Variants in CYP4F22 observed in about 807,000 individuals in gnomAD.
The protein encoded by CYP4F22 is ultra-long-chain fatty acid omega-hydroxylase.
In CYP4F22, 37 loss-of-function variants were observed where a neutral mutation model predicts 60.4. The observed-to-expected ratio is 0.61, with a 90% CI of 0.47 to 0.81. The LOEUF is 0.81. Ranked by LOEUF, CYP4F22 falls within the 30% of genes least tolerant of loss-of-function variation. The pLI is 0.00. For synonymous variants in CYP4F22, 258 were observed against 280.5 expected, an observed-to-expected ratio of 0.92 and a Z score of 0.80; for missense variants, 655 against 715.0, an observed-to-expected ratio of 0.92 and a Z score of 0.96.
chr19:15,515,754 C>T (rs1038751257), intron 1 of CYP4F22, among the ~76,000 whole-genome samples: 2 of 151,740 alleles, frequency 1.3e-5, no homozygotes, highest in South Asian at 2.1e-4. Context: ...GATGGAGTCT[C>T]GCCCTGTCAC....
In CYP4F22 at chr19:15,537,595, C is replaced by G; in HGVS notation, c.482C>G (p.Pro161Arg). 6.2e-7 allele frequency: 1 copy of G among 1,614,126 alleles called. No individual in the cohort carries two copies. The highest frequency in any genetic ancestry group is 8.5e-7 in the Non-Finnish European group (1 of 1,180,024). The change falls in exon 6 of 14, where the codon CCC (proline) becomes CGC (arginine). Residue 161 changes from proline (P) to arginine (R), a missense_variant. Physicochemically the swap from Pro to Arg is moderately radical, Grantham distance 103. Coordinates refer to ENST00000269703, the MANE Select transcript of CYP4F22 (RefSeq NM_173483.4). ...KWSRHRRLLTPAFHFDILKPY... is the reference protein window; with the variant it reads ...KWSRHRRLLTRAFHFDILKPY... ...AGCCGGCACCGTCGCCTGCTGACAC[C>G]CGCCTTCCACTTTGACATCCTGAAG...
intron 8 of CYP4F22, among the ~76,000 whole-genome samples, chr19:15,540,949 C>T (rs751849503): frequency 7.9e-5 from 12 of 152,050 alleles, no homozygotes; most frequent in African/African-American, 1.2e-4. Flanking sequence ...GGTGTGGTGC[C>T]GCATGCCTAT....
At chr19:15,548,687 A>C (rs1599818366) in intron 11 of CYP4F22, among the ~76,000 whole-genome samples, 2 of 152,014 alleles carry the variant, frequency 1.3e-5, no homozygotes, top group African/African-American at 4.8e-5. Context: ...TCCAATATGG[A>C]GAGGAATGCA....
At chr19:15,539,193 C>T (rs141622315) in intron 7 of CYP4F22, among the ~76,000 whole-genome samples, 8 of 152,272 alleles carry the variant, frequency 5.3e-5, no homozygotes, top group South Asian at 2.1e-4. Context: ...TTTAGCAACC[C>T]GTGCACTTCC....
rs1971599381 is a variant in CYP4F22 at position 15,551,644 on chromosome 19, GCAAGGCTCCTC to G, written c.*175_*185del. On this transcript the variant is annotated 3_prime_UTR_variant, in exon 14 of 14. Transcript: ENST00000269703. Reference sequence around the variant, plus strand: ...GGTGGTACTGGCCACGCCCCTCAAGGCAAGGCTCCTCCCCTTAGGGGGCCTGATCCCGCCCC... The same window carrying G: ...GGTGGTACTGGCCACGCCCCTCAAGGCCCTTAGGGGGCCTGATCCCGCCCC... 1 of 825,900 alleles carries G rather than the reference GCAAGGCTCCTC, an allele frequency of 1.2e-6. No homozygotes were observed. The highest frequency in any genetic ancestry group is 1.8e-5 in the South Asian group (1 of 55,426). 51.2% of individuals were successfully genotyped at this position (825,900 alleles called of 1,614,324 possible). A position where few individuals can be genotyped will look rare whatever the true frequency, so the allele number is the denominator to read the frequency against.
intron 1 of CYP4F22, among the ~76,000 whole-genome samples, chr19:15,520,799 C>T (rs1486897765): frequency 1.8e-4 from 26 of 147,570 alleles, no homozygotes; most frequent in East Asian, 4.1e-4. Context: ...GACAGAGTCT[C>T]GCTCTGTCGC....
intron 1 of CYP4F22, among the ~76,000 whole-genome samples, chr19:15,510,877 G>A (rs1333932237): frequency 6.6e-6 from 1 of 150,908 alleles, no homozygotes; most frequent in African/African-American, 2.4e-5. Flanking sequence ...CCAGCACTTT[G>A]GGAGGCTAAG....
Position 15,539,736 on chromosome 19 carries a change from T to A in CYP4F22, c.672-714T>A, listed in dbSNP as rs545259537. 8.4e-4 allele frequency among the ~76,000 whole-genome samples: 128 copies of A among 152,306 alleles called. 4 individuals carry two copies. The highest frequency in any genetic ancestry group is 1.0e-4 in the Non-Finnish European group (7 of 68,020). ...AACACTTGCTTTTTTTTGTTGTTGT[T>A]GTTTTGTTTGCTTTTTAGAGATAGG... On this transcript the variant is annotated intron_variant, in intron 7 of 13. Coordinates refer to ENST00000269703, the MANE Select transcript of CYP4F22 (RefSeq NM_173483.4).
chr19:15,543,466 A>G (rs540031433), intron 8 of CYP4F22, among the ~76,000 whole-genome samples: 13 of 152,200 alleles, frequency 8.5e-5, no homozygotes, highest in Admixed American at 4.6e-4. Flanking sequence ...TGTTGGGATT[A>G]TAGGTGTGAG....
At chr19:15,537,851 C>T (rs1466595204) in intron 6 of CYP4F22, 21 bp from the exon 7 acceptor site, 1 of 1,613,148 alleles carries the variant, frequency 6.2e-7, no homozygotes, top group Non-Finnish European at 8.5e-7. Context: ...CATGCACAGT[C>T]ACCATGTATC....
At position 15,536,500 on chromosome 19, in the gene CYP4F22, C is replaced by T. The variant is rs28623056; in HGVS notation, c.368-861C>T. The stretch of plus-strand genomic sequence containing the variant: ...TGATGGGTGTGTGAGCAGGAAGGGG[C>T]GTGGTCAGATCTGATAGTCAGATGA... On this transcript the variant is annotated intron_variant, in intron 4 of 13. Transcript: ENST00000269703. Among the ~76,000 whole-genome samples the T allele has an allele frequency of 5.8e-3, 877 of 151,990 alleles. 6 individuals are homozygous for T. The highest frequency in any genetic ancestry group is 0.018 in the African/African-American group (733 of 41,396).
intron 4 of CYP4F22, among the ~76,000 whole-genome samples, chr19:15,533,592 T>TC (rs1491216026): frequency 9.4e-5 from 4 of 42,362 alleles, no homozygotes; most frequent in African/African-American, 1.3e-4. Flanking sequence ...AGTTTCATTC[T>TC]TTTTTTTTTT....
intron 2 of CYP4F22, 122 bp from the exon 3 acceptor site, chr19:15,525,214 T>G (rs1599795770): frequency 1.1e-6 from 1 of 898,338 alleles, no homozygotes. Flanking sequence ...GATGAAGAGG[T>G]ATCCTTGGTG....
intron 2 of CYP4F22, among the ~76,000 whole-genome samples, chr19:15,524,183 T>C (rs1460728813): frequency 1.3e-5 from 2 of 151,864 alleles, no homozygotes; most frequent in Non-Finnish European, 2.9e-5. Flanking sequence ...GGATGCCGAG[T>C]GAAGGAAGCC....
chr19:15,529,908 C>G, intron 4 of CYP4F22, 55 bp downstream of exon 4: 1 of 1,610,726 alleles, frequency 6.2e-7, no homozygotes, highest in South Asian at 1.1e-5. Flanking sequence ...CAGAGCCTAT[C>G]TGAGATTCTA....
chr19:15,528,301 A>T (rs1424544314), intron 3 of CYP4F22, among the ~76,000 whole-genome samples: 1 of 152,110 alleles, frequency 6.6e-6, no homozygotes, highest in Non-Finnish European at 1.5e-5. Context: ...AAAAAATTAA[A>T]AATTAGCCAG....
chr19:15,551,153 T>G, intron 13 of CYP4F22, 141 bp from the exon 14 acceptor site: 1 of 1,109,712 alleles, frequency 9.0e-7, no homozygotes, highest in Non-Finnish European at 1.3e-6. Context: ...GGTCTCACTT[T>G]AACCCTCACC....
chr19:15,546,376 A>G (rs562440181), intron 10 of CYP4F22, among the ~76,000 whole-genome samples: 5 of 152,274 alleles, frequency 3.3e-5, no homozygotes, highest in Admixed American at 3.3e-4. Context: ...TTGAGGCCAG[A>G]AATTCAAGAC....
At position 15,525,487 on chromosome 19, in the gene CYP4F22, A is replaced by G. The variant is rs1971272240; in HGVS notation, c.151A>G (p.Ile51Val). The stretch of plus-strand genomic sequence containing the variant: ...CCTGAGGCTCTGCAGGAGCTTCTAC[A>G]TCACCTGCCGCCGGCTGCGCTGCTT... The part of the protein sequence containing the change: ...RFLRLCRSFY[I>V]TCRRLRCFPQ... The change falls in exon 3 of 14, where the codon ATC becomes GTC. Residue 51 changes from isoleucine (I) to valine (V), a missense_variant. Physicochemically the swap from Ile to Val is conservative, Grantham distance 29 (BLOSUM62 3). Coordinates refer to ENST00000269703, the MANE Select transcript of CYP4F22 (RefSeq NM_173483.4). 7.4e-6 allele frequency: 12 copies of G among 1,613,726 alleles called. No individual in the cohort carries two copies. In the East Asian group the frequency reaches 2.2e-4, roughly 30 times the overall value.
Sources: allele counts gnomAD v4.1 joint callset (sites outside exome capture counted in the v4.1 genomes callset), GRCh38; gene constraint gnomAD v4.1.1; transcripts MANE v1.5; gene names NCBI Gene and HGNC (gene_info 2026-07-23, HGNC 2026-07-21).